The following BMPR1B variants were observed in gnomAD, a reference collection of about 807,000 sequenced individuals.
BMPR1B encodes bone morphogenetic protein receptor type 1B.
A neutral mutation model predicts 59.1 loss-of-function variants in BMPR1B; 12 were observed. The ratio of observed to expected loss-of-function variants is 0.20; its 90% confidence interval spans 0.13 to 0.33. The LOEUF is 0.33. BMPR1B is among the 10% of genes least tolerant of loss of function. The probability of loss-of-function intolerance (pLI) is 1.00; values close to 1 mark genes in which losing one functional copy is unlikely to be tolerated. For synonymous variants in BMPR1B, 237 were observed against 207.3 expected (o/e 1.14, Z -1.23); for missense variants, 550 against 610.9 (o/e 0.90, Z 1.05).
At chr4:94,816,427 G>A (rs955088078) in intron 1 of BMPR1B, among the ~76,000 whole-genome samples, 7 of 152,112 alleles carry the variant, frequency 4.6e-5, no homozygotes, top group Admixed American at 3.3e-4. Context: ...GCCTTGCAAA[G>A]TGCTAGGATT....
At chr4:94,883,255 C>T (rs907020649) in intron 2 of BMPR1B, among the ~76,000 whole-genome samples, 3 of 152,100 alleles carry the variant, frequency 2.0e-5, no homozygotes, top group Non-Finnish European at 4.4e-5. Context: ...CTCTCTGAAA[C>T]TACATGCCGG....
Position 95,071,648 on chromosome 4 carries a change from G to GTATATATATATA in BMPR1B, c.-17-32759_-17-32758insATATATATATAT, listed in dbSNP as rs1553933769. ...TATGTGTGTTTGTGTGTGTGTGTGT[G>GTATATATATATA]TGTGTATATATATATATATATATAT... On this transcript the variant is annotated intron_variant, in intron 3 of 12. Coordinates refer to ENST00000515059, the MANE Select transcript of BMPR1B (RefSeq NM_001203.3). 2.6e-3 allele frequency among the ~76,000 whole-genome samples: 276 copies of GTATATATATATA among 104,644 alleles called. 1 individual carries two copies. The highest frequency in any genetic ancestry group is 0.01 in the African/African-American group (258 of 25,050). 68.7% of individuals were successfully genotyped at this position (104,644 alleles called of 152,430 possible).
chr4:94,926,061 C>A (rs367895486), intron 2 of BMPR1B, among the ~76,000 whole-genome samples: 1 of 89,796 alleles, frequency 1.1e-5, no homozygotes, highest in Non-Finnish European at 2.3e-5. Flanking sequence ...CTCCCTCCCC[C>A]CCAATCCCTC....
intron 1 of BMPR1B, among the ~76,000 whole-genome samples, chr4:94,824,987 A>G (rs909030917): frequency 2.6e-5 from 4 of 152,208 alleles, no homozygotes; most frequent in African/African-American, 7.2e-5. Context: ...AGAAAATTTC[A>G]ATACAAGCTT....
chr4:95,065,348 A>C (rs4455424), intron 3 of BMPR1B, among the ~76,000 whole-genome samples: 6,298 of 152,218 alleles, frequency 0.041, 448 homozygotes, highest in African/African-American at 0.14. Flanking sequence ...GGGGTTGAAA[A>C]TGTTCTAAAA....
At chr4:95,147,877 C>CTCCA in intron 10 of BMPR1B, among the ~76,000 whole-genome samples, 2 of 152,272 alleles carry the variant, frequency 1.3e-5, no homozygotes, top group East Asian at 3.9e-4. Context: ...GGAACTGTGG[C>CTCCA]TCCAGCTCAT....
intron 2 of BMPR1B, among the ~76,000 whole-genome samples, chr4:94,995,521 G>A (rs1335452277): frequency 6.6e-6 from 1 of 152,156 alleles, no homozygotes; most frequent in African/African-American, 2.4e-5. Context: ...AAGCTTGATT[G>A]ACTGACATTT....
intron 2 of BMPR1B, among the ~76,000 whole-genome samples, chr4:94,975,479 C>G (rs1274874938): frequency 6.7e-6 from 1 of 150,234 alleles, no homozygotes; most frequent in Non-Finnish European, 1.5e-5. Context: ...CCTCCCACCT[C>G]AGCCTCCCAA....
At chr4:94,850,295 G>A (rs532292283) in intron 1 of BMPR1B, among the ~76,000 whole-genome samples, 10 of 151,920 alleles carry the variant, frequency 6.6e-5, no homozygotes, top group East Asian at 5.8e-4. Context: ...AAAATGTATA[G>A]CATTGCAAAG....
In BMPR1B at chr4:95,091,486, A is replaced by G. The variant is rs536881477; in HGVS notation, c.-17-12922A>G. ...CTGGGCTGCATTTCTTAACTGCTGAATAACATATCACAGGTGCAGGATTAG... is the reference window on the plus strand; with the variant it reads ...CTGGGCTGCATTTCTTAACTGCTGAGTAACATATCACAGGTGCAGGATTAG... On this transcript the variant is annotated intron_variant, in intron 3 of 12. Coordinates refer to ENST00000515059, the MANE Select transcript of BMPR1B (RefSeq NM_001203.3). 8 of 985,360 alleles carry G rather than the reference A, an allele frequency of 8.1e-6. No individual in the cohort carries two copies. The African/African-American group carries it at 1.4e-4, about 17-fold the overall frequency. 61.0% of individuals were successfully genotyped at this position (985,360 alleles called of 1,614,324 possible). A position where few individuals can be genotyped will look rare whatever the true frequency, so the allele number is the denominator to read the frequency against.
At chr4:94,864,735 G>A (rs1726143666) in intron 1 of BMPR1B, among the ~76,000 whole-genome samples, 1 of 152,122 alleles carries the variant, frequency 6.6e-6, no homozygotes, top group African/African-American at 2.4e-5. Flanking sequence ...TAAATGTTAT[G>A]TAAATAGTTA....
At chr4:94,888,426 A>T (rs1727264245) in intron 2 of BMPR1B, among the ~76,000 whole-genome samples, 1 of 152,106 alleles carries the variant, frequency 6.6e-6, no homozygotes, top group Non-Finnish European at 1.5e-5. Flanking sequence ...GCAATATTCT[A>T]CTGTAGGCAG....
Position 94,765,918 on chromosome 4 carries a change from A to G in BMPR1B, c.-183+7850A>G, listed in dbSNP as rs1026773348. Among the ~76,000 whole-genome samples the G allele has an allele frequency of 6.6e-5, 10 of 152,164 alleles. No homozygotes were observed. In the East Asian group the frequency reaches 1.5e-3, roughly 23 times the overall value. ...TCTAGGTTTGAATCGTGGCTGTATCATTTCCGAGTTGTGAGACCTTGGGCA... is the reference window on the plus strand; with the variant it reads ...TCTAGGTTTGAATCGTGGCTGTATCGTTTCCGAGTTGTGAGACCTTGGGCA... On this transcript the variant is annotated intron_variant, in intron 1 of 12. Coordinates refer to ENST00000515059, the MANE Select transcript of BMPR1B (RefSeq NM_001203.3).
At chr4:94,764,280 AG>A (rs1445201136) in intron 1 of BMPR1B, among the ~76,000 whole-genome samples, 1 of 152,102 alleles carries the variant, frequency 6.6e-6, no homozygotes, top group East Asian at 1.9e-4. Context: ...GAGTAGAGGG[AG>A]GGTGGGGAGT....
At chr4:94,821,741 A>G (rs1179721719) in intron 1 of BMPR1B, among the ~76,000 whole-genome samples, 2 of 152,204 alleles carry the variant, frequency 1.3e-5, no homozygotes, top group Non-Finnish European at 2.9e-5. Flanking sequence ...TGTAATAAGG[A>G]TAAGGCTTAT....
chr4:94,835,883 A>C (rs1043496203), intron 1 of BMPR1B, among the ~76,000 whole-genome samples: 13 of 146,062 alleles, frequency 8.9e-5, no homozygotes, highest in Non-Finnish European at 1.8e-4. Flanking sequence ...AGCATTAGAT[A>C]TATCTCCCAA....
intron 2 of BMPR1B, among the ~76,000 whole-genome samples, chr4:94,961,035 T>C (rs1730332437): frequency 6.6e-6 from 1 of 152,136 alleles, no homozygotes; most frequent in Admixed American, 6.6e-5. Context: ...TCTTTCAGAA[T>C]TGTGGAGTTG....
chr4:95,004,429 A>G (rs567626966), intron 3 of BMPR1B, among the ~76,000 whole-genome samples: 25 of 152,250 alleles, frequency 1.6e-4, no homozygotes, highest in African/African-American at 5.8e-4. Context: ...TTGTTCTTCT[A>G]TTATTTGTAA....
intron 1 of BMPR1B, among the ~76,000 whole-genome samples, chr4:94,814,041 CAG>C (rs1191282596): frequency 6.6e-6 from 1 of 152,226 alleles, no homozygotes; most frequent in East Asian, 1.9e-4. Context: ...GGAATCAGAT[CAG>C]GGGAGATGTT....
Sources: allele counts gnomAD v4.1 joint callset (sites outside exome capture counted in the v4.1 genomes callset), GRCh38; gene constraint gnomAD v4.1.1; transcripts MANE v1.5; gene names NCBI Gene and HGNC (gene_info 2026-07-23, HGNC 2026-07-21).